Variants in PDGFC observed in about 807,000 individuals in gnomAD.
The protein encoded by PDGFC is platelet derived growth factor C, also known as platelet-derived growth factor C.
PDGFC carries 12 observed loss-of-function variants against 35.5 expected under a neutral mutation model. The ratio of observed to expected loss-of-function variants is 0.34; its 90% CI spans 0.22 to 0.55. PDGFC has a LOEUF of 0.55. Ranked by LOEUF, PDGFC falls within the 20% of genes least tolerant of loss-of-function variation. The pLI is 0.91. For missense variants in PDGFC, 322 were observed against 412.4 expected (o/e 0.78, Z 1.90); for synonymous variants, 159 against 148.8 (o/e 1.07, Z -0.50).
chr4:156,768,499 T>C (rs1248249772), intron 4 of PDGFC, among the ~76,000 whole-genome samples: 1 of 151,914 alleles, frequency 6.6e-6, no homozygotes, highest in Non-Finnish European at 1.5e-5. Flanking sequence ...ATAACCATCA[T>C]AAAATATAAA....
intron 1 of PDGFC, among the ~76,000 whole-genome samples, chr4:156,945,381 ATATATATAT>A (rs1199730999): frequency 2.3e-5 from 3 of 128,508 alleles, no homozygotes; most frequent in Middle Eastern, 3.6e-3. Context: ...ATATATATAT[ATATATATAT>A]AATCAGTAGG....
intron 1 of PDGFC, among the ~76,000 whole-genome samples, chr4:156,957,894 C>T (rs1044142225): frequency 1.3e-5 from 2 of 151,924 alleles, no homozygotes; most frequent in African/African-American, 4.8e-5. Context: ...TTCCTTACTG[C>T]GCATATCTAC....
intron 3 of PDGFC, among the ~76,000 whole-genome samples, chr4:156,777,307 T>C (rs1039957747): frequency 6.6e-6 from 1 of 152,176 alleles, no homozygotes; most frequent in African/African-American, 2.4e-5. Context: ...TAAATGAATA[T>C]AGACACACGT....
intron 1 of PDGFC, among the ~76,000 whole-genome samples, chr4:156,859,997 T>C (rs1384144421): frequency 2.0e-5 from 3 of 152,204 alleles, no homozygotes; most frequent in Non-Finnish European, 4.4e-5. Flanking sequence ...CAGCTAGCTT[T>C]ATGACAACAG....
At chr4:156,901,724 GT>G (rs1179377684) in intron 1 of PDGFC, among the ~76,000 whole-genome samples, 1 of 152,080 alleles carries the variant, frequency 6.6e-6, no homozygotes, top group East Asian at 1.9e-4. Flanking sequence ...CTGGGGTCAG[GT>G]GATTCTCGTG....
chr4:156,793,065 G>C (rs1221889640), intron 3 of PDGFC, among the ~76,000 whole-genome samples: 2 of 152,048 alleles, frequency 1.3e-5, no homozygotes, highest in Non-Finnish European at 2.9e-5. Flanking sequence ...TCAACAAGCT[G>C]TCTATTTTAA....
rs60033232 is a variant in PDGFC at position 156,825,593 on chromosome 4, TAAGAAGAAGAAGAAGAAGAAG to T, written c.315-14597_315-14577del. Among the ~76,000 whole-genome samples, 224 of 62,184 alleles carry T rather than the reference TAAGAAGAAGAAGAAGAAGAAG, an allele frequency of 3.6e-3. 3 individuals are homozygous for T. Among genetic ancestry groups the T allele is most frequent in the African/African-American group, 0.011 (142 of 12,696 alleles). The allele number at this position is 62,184 out of a possible 152,430, so 40.8% of individuals were successfully genotyped here. The stretch of plus-strand genomic sequence containing the variant: ...ATAATAATAATAATAATAATAATAA[TAAGAAGAAGAAGAAGAAGAAG>T]AAGAAGAAGAAGAAGAAGAAGAAGA... On this transcript the variant is annotated intron_variant, in intron 2 of 5. Coordinates refer to ENST00000502773, the MANE Select transcript of PDGFC (RefSeq NM_016205.3).
At chr4:156,840,562 A>G (rs1323340375) in intron 2 of PDGFC, among the ~76,000 whole-genome samples, 1 of 152,216 alleles carries the variant, frequency 6.6e-6, no homozygotes, top group Non-Finnish European at 1.5e-5. Context: ...TGAATCCCCT[A>G]CAGAAAGTCC....
chr4:156,837,724 G>C (rs573124005), intron 2 of PDGFC, among the ~76,000 whole-genome samples: 4 of 152,290 alleles, frequency 2.6e-5, no homozygotes, highest in Non-Finnish European at 5.9e-5. Context: ...GAAAGCTAGA[G>C]AAGAGAGGGA....
At chr4:156,889,069 C>A (rs1730443080) in intron 1 of PDGFC, among the ~76,000 whole-genome samples, 1 of 152,154 alleles carries the variant, frequency 6.6e-6, no homozygotes, top group Non-Finnish European at 1.5e-5. Context: ...AGAATTCAGA[C>A]ACCATTATTC....
chr4:156,879,476 A>G (rs1416730586), intron 1 of PDGFC, among the ~76,000 whole-genome samples: 1 of 152,160 alleles, frequency 6.6e-6, no homozygotes, highest in Non-Finnish European at 1.5e-5. Context: ...GAAGCCTAAC[A>G]GTGAAAAAGA....
chr4:156,825,128 G>T (rs1244027464), intron 2 of PDGFC, among the ~76,000 whole-genome samples: 1 of 152,072 alleles, frequency 6.6e-6, no homozygotes, highest in East Asian at 1.9e-4. Context: ...CTTCTACTTT[G>T]AACACAGTCG....
In PDGFC at chr4:156,971,479, C is replaced by G. The variant is rs970497793; in HGVS notation, c.-576G>C. ...GGGCGCCGCGGCGGGTCCCACGGGC[C>G]GGGGCGCCGGAGCGGGGCCGGGGGG... On this transcript the variant is annotated 5_prime_UTR_variant, in exon 1 of 6. Coordinates refer to ENST00000502773, the MANE Select transcript of PDGFC (RefSeq NM_016205.3). 1.9e-5 allele frequency: 3 copies of G among 154,678 alleles called. No homozygotes were observed. The highest frequency in any genetic ancestry group is 1.8e-4 in the East Asian group (1 of 5,664). 9.6% of individuals were successfully genotyped at this position (154,678 alleles called of 1,614,324 possible).
At chr4:156,928,636 G>A (rs1036883383) in intron 1 of PDGFC, among the ~76,000 whole-genome samples, 2 of 152,166 alleles carry the variant, frequency 1.3e-5, no homozygotes, top group East Asian at 1.9e-4. Flanking sequence ...CCCAATCCAC[G>A]CTCTATACTT....
At chr4:156,901,595 C>CATTATT (rs111503240) in intron 1 of PDGFC, among the ~76,000 whole-genome samples, 5,870 of 150,418 alleles carry the variant, frequency 0.039, 148 homozygotes, top group East Asian at 0.074. Context: ...GTATCTATTT[C>CATTATT]ATTATTATTA....
At chr4:156,860,126 G>A (rs1729675372) in intron 1 of PDGFC, among the ~76,000 whole-genome samples, 1 of 152,132 alleles carries the variant, frequency 6.6e-6, no homozygotes, top group Admixed American at 6.6e-5. Context: ...CTGACTTTAT[G>A]AGGCTCACCA....
At chr4:156,880,600 C>A (rs74408817) in intron 1 of PDGFC, among the ~76,000 whole-genome samples, 9,310 of 152,160 alleles carry the variant, frequency 0.061, 381 homozygotes, top group Middle Eastern at 0.11. Flanking sequence ...TTTGAAGTTT[C>A]AAGTCTTATT....
intron 3 of PDGFC, among the ~76,000 whole-genome samples, chr4:156,806,919 C>T (rs1001338351): frequency 2.6e-5 from 4 of 151,936 alleles, no homozygotes; most frequent in African/African-American, 9.7e-5. Flanking sequence ...TGGGCTCTCA[C>T]CGTGTGTGGC....
At chr4:156,839,185 T>C (rs2111048080) in intron 2 of PDGFC, among the ~76,000 whole-genome samples, 1 of 152,336 alleles carries the variant, frequency 6.6e-6, no homozygotes, top group East Asian at 1.9e-4. Flanking sequence ...CAAGAGGTTT[T>C]AGACCCTGGA....
Sources: gnomAD v4.1 joint callset for allele counts (sites outside exome capture counted in the v4.1 genomes callset) on GRCh38, gnomAD v4.1.1 for gene constraint, MANE v1.5 for transcripts, NCBI Gene and HGNC (gene_info 2026-07-23, HGNC 2026-07-21) for gene names.